TRPM3: variants seen among roughly 807,000 people sequenced by gnomAD.
TRPM3 encodes the protein long transient receptor potential channel 3.
In TRPM3, 77 loss-of-function variants were observed where a neutral mutation model predicts 181.2. That is an observed-to-expected ratio of 0.42 (90% CI 0.35 to 0.51). The LOEUF (loss-of-function observed/expected upper bound fraction) is 0.51. Among genes scored for constraint, TRPM3 ranks in the 20% least tolerant of loss-of-function variants. The pLI, the probability that TRPM3 is intolerant of heterozygous loss-of-function variation, is 0.01. For missense variants in TRPM3, 1,759 were observed against 2,196.7 expected (o/e 0.80, Z 3.98); for synonymous variants, 745 against 796.4 (o/e 0.94, Z 1.09).
intron 1 of TRPM3, among the ~76,000 whole-genome samples, chr9:71,050,133 C>T (rs985098305): frequency 6.6e-6 from 1 of 152,090 alleles, no homozygotes; most frequent in Non-Finnish European, 1.5e-5. Context: ...TGAAGTGCTC[C>T]CCTCAGTATC....
intron 22 of TRPM3, among the ~76,000 whole-genome samples, chr9:70,573,747 A>G (rs1345306316): frequency 2.6e-5 from 4 of 152,166 alleles, no homozygotes; most frequent in Non-Finnish European, 5.9e-5. Flanking sequence ...CATGCTGCCC[A>G]TCAAGACCAG....
intron 1 of TRPM3, among the ~76,000 whole-genome samples, chr9:71,409,624 T>C (rs1331942877): frequency 3.9e-5 from 6 of 152,148 alleles, no homozygotes; most frequent in Non-Finnish European, 7.4e-5. Context: ...CTTAGAGACC[T>C]ACAGAGAGAC....
chr9:70,791,112 T>C (rs1271607003), intron 6 of TRPM3, among the ~76,000 whole-genome samples: 1 of 152,224 alleles, frequency 6.6e-6, no homozygotes, highest in South Asian at 2.1e-4. Context: ...AGCCTAACTA[T>C]AACTGGAATG....
intron 1 of TRPM3, among the ~76,000 whole-genome samples, chr9:70,874,164 A>G (rs2095835772): frequency 6.6e-6 from 1 of 151,918 alleles, no homozygotes; most frequent in Non-Finnish European, 1.5e-5. Context: ...TATATTCAGA[A>G]TGTTCATGTA....
intron 22 of TRPM3, among the ~76,000 whole-genome samples, chr9:70,583,039 A>G (rs1294653983): frequency 6.6e-6 from 1 of 152,160 alleles, no homozygotes; most frequent in Non-Finnish European, 1.5e-5. Context: ...CTATATTTCA[A>G]GCAGGTACTG....
intron 1 of TRPM3, among the ~76,000 whole-genome samples, chr9:71,182,797 G>T (rs1459886431): frequency 6.6e-6 from 1 of 152,028 alleles, no homozygotes; most frequent in Non-Finnish European, 1.5e-5. Context: ...GAGTAGCTGG[G>T]ATTACAGGCA....
Position 70,843,066 on chromosome 9 carries a change from T to C in TRPM3, c.738A>G (p.Ile246Met). 6.2e-7 allele frequency: 1 copy of C among 1,613,712 alleles called. No individual in the cohort carries two copies. Among genetic ancestry groups the C allele is most frequent in the Non-Finnish European group, 8.5e-7 (1 of 1,179,846 alleles). The change falls in exon 5 of 26, where the codon ATA becomes ATG. Residue 246 changes from isoleucine to methionine, a missense_variant. Physicochemically the swap from Ile to Met is conservative, Grantham distance 10. This residue lies in a region of TRPM3 where 737 missense variants were observed against 957.4 expected (regional missense o/e 0.77). Coordinates refer to ENST00000677713, the MANE Select transcript of TRPM3 (RefSeq NM_001366145.2). Reference protein sequence around the residue: ...KDHASKSRGKICTIGIAPWGI... With the variant: ...KDHASKSRGKMCTIGIAPWGI... ...CCCAGGGGGCAATACCTATGGTGCA[T>C]ATCTTTCCTCGAGACTTAGAGGCAT... is the stretch of plus-strand genomic sequence containing the variant.
intron 1 of TRPM3, among the ~76,000 whole-genome samples, chr9:71,188,492 A>T (rs1220955208): frequency 6.6e-6 from 1 of 151,836 alleles, no homozygotes; most frequent in Non-Finnish European, 1.5e-5. Context: ...TAATATTTTG[A>T]TGCTACCACA....
chr9:71,264,119 A>G (rs1438824883), intron 1 of TRPM3, among the ~76,000 whole-genome samples: 1 of 152,006 alleles, frequency 6.6e-6, no homozygotes, highest in Non-Finnish European at 1.5e-5. Context: ...ATTAATCCTT[A>G]CCCCTGATCT....
intron 22 of TRPM3, among the ~76,000 whole-genome samples, chr9:70,585,525 C>A (rs1478752267): frequency 6.6e-6 from 1 of 152,162 alleles, no homozygotes; most frequent in African/African-American, 2.4e-5. Context: ...CAGAAAAAGT[C>A]CCCATACCCC....
intron 8 of TRPM3, among the ~76,000 whole-genome samples, chr9:70,694,832 G>C (rs2134528148): frequency 6.6e-6 from 1 of 152,316 alleles, no homozygotes; most frequent in South Asian, 2.1e-4. Flanking sequence ...TTTTAAAAAT[G>C]TTGTTCATAT....
At chr9:70,576,812 C>T (rs999995359) in intron 22 of TRPM3, among the ~76,000 whole-genome samples, 5 of 152,134 alleles carry the variant, frequency 3.3e-5, no homozygotes, top group Admixed American at 6.5e-5. Flanking sequence ...CACACCCGGC[C>T]GCTGCTATAG....
chr9:71,339,883 A>G (rs940689576), intron 1 of TRPM3, among the ~76,000 whole-genome samples: 1 of 152,118 alleles, frequency 6.6e-6, no homozygotes, highest in African/African-American at 2.4e-5. Flanking sequence ...TGGTATATAA[A>G]TTTACAAAAA....
chr9:71,359,582 A>G (rs1056278947), intron 1 of TRPM3, among the ~76,000 whole-genome samples: 4 of 152,114 alleles, frequency 2.6e-5, no homozygotes, highest in Admixed American at 1.3e-4. Flanking sequence ...CTAGCAACAA[A>G]TATTATGGGT....
chr9:70,940,129 T>A (rs1156924648), intron 1 of TRPM3, among the ~76,000 whole-genome samples: 1 of 152,198 alleles, frequency 6.6e-6, no homozygotes, highest in Non-Finnish European at 1.5e-5. Context: ...TGAGGAACAA[T>A]AATCAGAATT....
chr9:70,917,342 G>T, intron 1 of TRPM3: 1 of 1,149,420 alleles, frequency 8.7e-7, no homozygotes, highest in Non-Finnish European at 1.3e-6. Flanking sequence ...AGAATATGGA[G>T]ATACTCCCAA....
chr9:70,609,609 G>T (rs1233080450), intron 19 of TRPM3, among the ~76,000 whole-genome samples: 2 of 152,172 alleles, frequency 1.3e-5, no homozygotes, highest in African/African-American at 4.8e-5. Flanking sequence ...GCTACCTGTT[G>T]GGGACAGCCC....
At chr9:70,959,189 A>G (rs1424256927) in intron 1 of TRPM3, among the ~76,000 whole-genome samples, 1 of 149,038 alleles carries the variant, frequency 6.7e-6, no homozygotes, top group Non-Finnish European at 1.5e-5. Flanking sequence ...TGTCACCTGT[A>G]AAAAAAAAAT....
At chr9:70,820,071 A>T (rs2093038027) in intron 6 of TRPM3, among the ~76,000 whole-genome samples, 1 of 152,160 alleles carries the variant, frequency 6.6e-6, no homozygotes, top group Admixed American at 6.5e-5. Context: ...AGTACTCAAA[A>T]ATCCTAGTGC....
Sources: gnomAD v4.1 joint callset for allele counts (sites outside exome capture counted in the v4.1 genomes callset) on GRCh38, gnomAD v4.1.1 for gene constraint, gnomAD v4.1.1 regional missense constraint, MANE v1.5 for transcripts, NCBI Gene and HGNC (gene_info 2026-07-23, HGNC 2026-07-21) for gene names.